The following EDARADD variants were observed in gnomAD, a reference collection of about 807,000 sequenced individuals.
EDARADD encodes the protein ectodysplasin-A receptor-associated adapter protein.
Under a neutral mutation model 25.6 loss-of-function variants are expected in EDARADD, and 20 were observed. The observed-to-expected ratio is 0.78, with a 90% CI of 0.55 to 1.14. The LOEUF (loss-of-function observed/expected upper bound fraction) is 1.14, where lower values mean the gene tolerates loss of function less well. Ranked by LOEUF, EDARADD falls within the 50% of genes most tolerant of loss-of-function variation. The probability of loss-of-function intolerance (pLI) is 0.00; values close to 1 mark genes in which losing one functional copy is unlikely to be tolerated. For missense variants in EDARADD, 225 were observed against 270.1 expected (o/e 0.83, Z 1.17); for synonymous variants, 86 against 94.4 (o/e 0.91, Z 0.52).
rs188075517 is a variant in EDARADD at position 236,407,655 on chromosome 1, C to T, written c.62-1561C>T. 2.7e-3 allele frequency among the ~76,000 whole-genome samples: 391 copies of T among 147,162 alleles called. 4 individuals carry two copies. Among genetic ancestry groups the T allele is most frequent in the African/African-American group, 9.8e-3 (365 of 37,204 alleles). The stretch of plus-strand genomic sequence containing the variant: ...ATCAAAAGTGAATGCTGACTCTTGG[C>T]GGACCCACGACTGCCACTTAGGGTA... On this transcript the variant is annotated intron_variant, in intron 1 of 5. Transcript: ENST00000334232.
intron 4 of EDARADD, among the ~76,000 whole-genome samples, chr1:236,440,042 T>G (rs1428854665): frequency 6.6e-6 from 1 of 152,192 alleles, no homozygotes; most frequent in Non-Finnish European, 1.5e-5. Context: ...AGAGTTTAAA[T>G]TTTGTGAGAG....
intron 3 of EDARADD, among the ~76,000 whole-genome samples, chr1:236,415,140 A>C (rs903734187): frequency 6.6e-6 from 1 of 152,198 alleles, no homozygotes; most frequent in African/African-American, 2.4e-5. Flanking sequence ...TGATTGTGGC[A>C]GTTCAGGTCA....
Position 236,414,271 on chromosome 1 carries a change from T to G in EDARADD, c.132T>G (p.Tyr44Ter), listed in dbSNP as rs1657576752. The change falls in exon 3 of 6, where the codon TAT (tyrosine) becomes TAG (stop). Residue 44 changes from tyrosine to a stop codon, truncating the protein, a stop_gained. Coordinates refer to ENST00000334232, the MANE Select transcript of EDARADD (RefSeq NM_145861.4). LOFTEE classifies it high-confidence loss of function. ...STLSFNMSDK[Y>*]PIQDTELPKA... Reference sequence around the variant, plus strand: ...GTTGGTTTCTACAGTCAGACAAATATCCCATTCAAGATACGGAACTCCCTA... The same window carrying G: ...GTTGGTTTCTACAGTCAGACAAATAGCCCATTCAAGATACGGAACTCCCTA... The G allele has an allele frequency of 6.2e-7, 1 of 1,610,710 alleles. No individual in the cohort carries two copies.
chr1:236,370,978 G>C (rs1667166584), intron 3 of EDARADD, among the ~76,000 whole-genome samples: 1 of 152,220 alleles, frequency 6.6e-6, no homozygotes. Flanking sequence ...TTAGAAGCAA[G>C]ATGGAGTCGG....
chr1:236,418,927 A>G (rs181988298), intron 3 of EDARADD, among the ~76,000 whole-genome samples: 1 of 152,164 alleles, frequency 6.6e-6, no homozygotes, highest in African/African-American at 2.4e-5. Flanking sequence ...GCCTTGACAG[A>G]GACCCTCTTG....
intron 3 of EDARADD, 26 bp downstream of exon 3, chr1:236,414,325 G>T: frequency 6.4e-7 from 1 of 1,566,648 alleles, no homozygotes; most frequent in South Asian, 1.1e-5. Flanking sequence ...ATAACTACTT[G>T]AACATGTGAT....
intron 4 of EDARADD, among the ~76,000 whole-genome samples, chr1:236,432,222 T>C (rs540405194): frequency 9.9e-5 from 15 of 151,076 alleles, no homozygotes; most frequent in Non-Finnish European, 1.9e-4. Flanking sequence ...CAGCAAAACC[T>C]GAACTCTACA....
At chr1:236,477,060 A>G (rs1467214552) in intron 5 of EDARADD, among the ~76,000 whole-genome samples, 1 of 151,706 alleles carries the variant, frequency 6.6e-6, no homozygotes, top group African/African-American at 2.4e-5. Flanking sequence ...TAAGCAAAAA[A>G]AAAAAAAAGA....
chr1:236,405,922 T>C (rs1571915621), intron 1 of EDARADD, among the ~76,000 whole-genome samples: 1 of 57,644 alleles, frequency 1.7e-5, no homozygotes, highest in Non-Finnish European at 4.1e-5. Flanking sequence ...TCTTTCTTTC[T>C]TTCTCTTTCC....
chr1:236,463,656 T>A (rs1048665010), intron 4 of EDARADD, among the ~76,000 whole-genome samples: 6 of 152,164 alleles, frequency 3.9e-5, no homozygotes, highest in Admixed American at 2.0e-4. Context: ...TGTGCGACCG[T>A]CACCACCATT....
intron 4 of EDARADD, among the ~76,000 whole-genome samples, chr1:236,464,762 C>T (rs967576590): frequency 2.0e-5 from 3 of 152,086 alleles, no homozygotes; most frequent in African/African-American, 7.2e-5. Flanking sequence ...ACTGCTCCCC[C>T]TGCTTTTCTT....
chr1:236,470,754 G>C (rs545974784), intron 5 of EDARADD, among the ~76,000 whole-genome samples: 1 of 152,078 alleles, frequency 6.6e-6, no homozygotes, highest in South Asian at 2.1e-4. Context: ...GATTACAGGC[G>C]CCCACCACCA....
At chr1:236,353,678 C>CAAAAAAAAA (rs34798233) in intron 3 of EDARADD, among the ~76,000 whole-genome samples, 1 of 78,718 alleles carries the variant, frequency 1.3e-5, no homozygotes, top group Non-Finnish European at 2.5e-5. Context: ...ACTCCAACTC[C>CAAAAAAAAA]AAAAAAAAAA....
intron 4 of EDARADD, among the ~76,000 whole-genome samples, chr1:236,452,217 G>A (rs534653773): frequency 1.3e-5 from 2 of 152,302 alleles, no homozygotes; most frequent in East Asian, 3.9e-4. Context: ...TGGCTTGGAT[G>A]GGGCAGAGAG....
chr1:236,470,684 C>T (rs1051246556), intron 5 of EDARADD, among the ~76,000 whole-genome samples: 8 of 152,194 alleles, frequency 5.3e-5, no homozygotes, highest in African/African-American at 1.9e-4. Context: ...CGGCTCACTG[C>T]AACCTCTGCC....
At chr1:236,363,911 A>G (rs764489486) in intron 3 of EDARADD, among the ~76,000 whole-genome samples, 20 of 151,884 alleles carry the variant, frequency 1.3e-4, no homozygotes, top group Non-Finnish European at 1.6e-4. Flanking sequence ...CACACCCGCA[A>G]TCCCAGCACT....
rs887080142 is a variant in EDARADD, at chr1:236,351,122, G to A, written c.-6+283G>A. On this transcript the variant is annotated intron_variant, in intron 3 of 7. Coordinates refer to the EDARADD transcript ENST00000439430. Reference sequence around the variant, plus strand: ...CCACTGCACTCCAGCCTAGGCGACGGTGAGACCCCATCTCTAAACAAAACA... The same window carrying A: ...CCACTGCACTCCAGCCTAGGCGACGATGAGACCCCATCTCTAAACAAAACA... Among the ~76,000 whole-genome samples, 5 of 152,076 alleles carry A rather than the reference G, an allele frequency of 3.3e-5. No homozygotes were observed. The South Asian group carries it at 1.0e-3, about 32-fold the overall frequency.
In EDARADD at chr1:236,394,305, C is replaced by A; in HGVS notation, c.-140C>A. The stretch of plus-strand genomic sequence containing the variant: ...GAAGGCAGACCAAGAGGAAGTTTAT[C>A]CTCCCACCTACAAATTCCCCAGAGA... On this transcript the variant is annotated 5_prime_UTR_variant, in exon 1 of 6. Coordinates refer to ENST00000334232, the MANE Select transcript of EDARADD (RefSeq NM_145861.4). The A allele has an allele frequency of 1.1e-6, 1 of 896,846 alleles. No individual in the cohort carries two copies. The highest frequency in any genetic ancestry group is 1.6e-5 in the African/African-American group (1 of 61,168). The allele number at this position is 896,846 out of a possible 1,614,324, so 55.6% of individuals were successfully genotyped here.
At chr1:236,434,555 T>A (rs1658191894) in intron 4 of EDARADD, among the ~76,000 whole-genome samples, 1 of 152,174 alleles carries the variant, frequency 6.6e-6, no homozygotes, top group African/African-American at 2.4e-5. Flanking sequence ...GTGATTTTTT[T>A]AAAGCTCTTC....
Sources: allele counts gnomAD v4.1 joint callset (sites outside exome capture counted in the v4.1 genomes callset), GRCh38; gene constraint gnomAD v4.1.1; transcripts MANE v1.5; gene names NCBI Gene and HGNC (gene_info 2026-07-23, HGNC 2026-07-21).